Variants in SLC9A8 observed in about 807,000 individuals in gnomAD.
SLC9A8 encodes solute carrier family 9 member A8.
A neutral mutation model predicts 66.6 loss-of-function variants in SLC9A8; 48 were observed. That is an observed-to-expected ratio of 0.72 (90% CI 0.57 to 0.92). The LOEUF is 0.92. Among genes scored for constraint, SLC9A8 ranks in the 40% least tolerant of loss-of-function variants. The pLI is 0.00. For synonymous variants in SLC9A8, 274 were observed against 282.6 expected (o/e 0.97, Z 0.31); for missense variants, 599 against 747.3 (o/e 0.80, Z 2.31).
At chr20:49,874,845 G>C in intron 11 of SLC9A8, 24 bp downstream of exon 11, 3 of 1,464,578 alleles carry the variant, frequency 2.0e-6, no homozygotes, top group Non-Finnish European at 2.9e-6. Flanking sequence ...CTGTGTGGCC[G>C]TGAGCAGGCC....
intron 2 of SLC9A8, among the ~76,000 whole-genome samples, chr20:49,816,493 G>A (rs2086554167): frequency 6.6e-6 from 1 of 151,984 alleles, no homozygotes; most frequent in South Asian, 2.1e-4. Flanking sequence ...GGAAATTTCA[G>A]CATAGAGAAG....
chr20:49,866,256 G>A (rs2088959826), intron 10 of SLC9A8, among the ~76,000 whole-genome samples: 1 of 152,122 alleles, frequency 6.6e-6, no homozygotes, highest in South Asian at 2.1e-4. Flanking sequence ...TTTTGCGTGT[G>A]GCAGTAGTTT....
At chr20:49,884,364 G>C (rs1204745470) in intron 14 of SLC9A8, among the ~76,000 whole-genome samples, 1 of 137,106 alleles carries the variant, frequency 7.3e-6, no homozygotes, top group African/African-American at 2.7e-5. Context: ...CTGAGAAGGA[G>C]GTGACGGAAC....
intron 7 of SLC9A8, 29 bp downstream of exon 7, chr20:49,850,873 C>A: frequency 6.5e-7 from 1 of 1,537,004 alleles, no homozygotes. Context: ...AACACCCATG[C>A]GACTGCTTTT....
At chr20:49,864,655 A>G (rs1202069328) in intron 9 of SLC9A8, 84 bp from the exon 10 acceptor site, 1 of 878,426 alleles carries the variant, frequency 1.1e-6, no homozygotes, top group Non-Finnish European at 1.9e-6. Context: ...TACTTCATAT[A>G]TTTGGAAAGC....
chr20:49,873,523 C>T (rs1417690666), intron 10 of SLC9A8, among the ~76,000 whole-genome samples: 3 of 148,984 alleles, frequency 2.0e-5, no homozygotes, highest in Non-Finnish European at 3.0e-5. Flanking sequence ...TGTTGGCTTA[C>T]GCCTGTAATC....
chr20:49,834,167 CTCTCTCTCTCTCTCTCTCTATATA>C (rs1328027981), intron 3 of SLC9A8, among the ~76,000 whole-genome samples: 12 of 57,766 alleles, frequency 2.1e-4, no homozygotes, highest in Admixed American at 3.5e-4. Context: ...CTCTCTCTCT[CTCTCTCTCTCTCTCTCTCTATATA>C]TATATATATA....
chr20:49,851,985 G>T (rs1321227820), intron 7 of SLC9A8, among the ~76,000 whole-genome samples: 4 of 152,232 alleles, frequency 2.6e-5, no homozygotes, highest in African/African-American at 7.2e-5. Flanking sequence ...TGTTCAGGTG[G>T]AGGACAGGAA....
In SLC9A8 at chr20:49,890,565, G is replaced by A. The variant is rs1480588948; in HGVS notation, c.*2629G>A. 6.6e-6 allele frequency: 1 copy of A among 152,142 alleles called. No individual in the cohort carries two copies. The highest frequency in any genetic ancestry group is 1.9e-4 in the East Asian group (1 of 5,192). 9.4% of individuals were successfully genotyped at this position (152,142 alleles called of 1,614,324 possible). A position where few individuals can be genotyped will look rare whatever the true frequency, so the allele number is the denominator to read the frequency against. On this transcript the variant is annotated 3_prime_UTR_variant, in exon 16 of 16. Coordinates refer to ENST00000361573, the MANE Select transcript of SLC9A8 (RefSeq NM_015266.3). ...CACCACAGGCACTGCTGTGTGGAAC[G>A]AGTTCTTGGAATGAATCCCATGCTT...
chr20:49,879,013 A>C (rs963055587), intron 12 of SLC9A8, among the ~76,000 whole-genome samples: 1 of 152,016 alleles, frequency 6.6e-6, no homozygotes, highest in Non-Finnish European at 1.5e-5. Flanking sequence ...AAAAGAGCGA[A>C]AGTCCATCTC....
At chr20:49,858,129 A>G (rs1255950317) in intron 8 of SLC9A8, among the ~76,000 whole-genome samples, 1 of 152,122 alleles carries the variant, frequency 6.6e-6, no homozygotes, top group Admixed American at 6.5e-5. Context: ...TCCATTGAAC[A>G]CAATTGATAA....
intron 13 of SLC9A8, among the ~76,000 whole-genome samples, chr20:49,883,220 C>T (rs1246123043): frequency 1.3e-5 from 2 of 152,118 alleles, no homozygotes; most frequent in African/African-American, 2.4e-5. Context: ...GCCCTAGTAG[C>T]GTCACAGAGG....
At chr20:49,827,436 C>T (rs1251885454) in intron 3 of SLC9A8, among the ~76,000 whole-genome samples, 1 of 151,056 alleles carries the variant, frequency 6.6e-6, no homozygotes, top group East Asian at 2.0e-4. Flanking sequence ...AACCCCATCT[C>T]TACTAAAAAT....
intron 2 of SLC9A8, among the ~76,000 whole-genome samples, chr20:49,818,085 T>C (rs1472667073): frequency 6.6e-6 from 1 of 152,104 alleles, no homozygotes; most frequent in Non-Finnish European, 1.5e-5. Context: ...AAGTATAATA[T>C]GACTTTTAAA....
intron 5 of SLC9A8, among the ~76,000 whole-genome samples, chr20:49,845,483 G>A (rs1250151549): frequency 6.6e-6 from 1 of 152,154 alleles, no homozygotes; most frequent in Non-Finnish European, 1.5e-5. Context: ...TGGGACGACG[G>A]GGACATGTGC....
intron 10 of SLC9A8, among the ~76,000 whole-genome samples, chr20:49,871,025 A>G (rs2146707089): frequency 6.6e-6 from 1 of 152,354 alleles, no homozygotes; most frequent in South Asian, 2.1e-4. Context: ...AAACTTTATA[A>G]TCACATGGTA....
At chr20:49,830,276 TA>T in intron 3 of SLC9A8, 1 of 1,127,112 alleles carries the variant, frequency 8.9e-7, no homozygotes, top group Non-Finnish European at 1.4e-6. Context: ...GAATCGTCTC[TA>T]ACTTGCTAAA....
intron 3 of SLC9A8, among the ~76,000 whole-genome samples, chr20:49,833,719 T>C (rs1249107327): frequency 6.6e-6 from 1 of 152,132 alleles, no homozygotes; most frequent in Non-Finnish European, 1.5e-5. Context: ...TCTTAAACTC[T>C]CTGAGCTTCC....
intron 14 of SLC9A8, 132 bp downstream of exon 14, chr20:49,884,198 C>CCA: frequency 2.0e-6 from 1 of 492,644 alleles, no homozygotes; most frequent in Non-Finnish European, 3.6e-6. Flanking sequence ...TCCACACACA[C>CCA]GACACACACA....
Sources: allele counts gnomAD v4.1 joint callset (sites outside exome capture counted in the v4.1 genomes callset), GRCh38; gene constraint gnomAD v4.1.1; transcripts MANE v1.5; gene names NCBI Gene and HGNC (gene_info 2026-07-23, HGNC 2026-07-21).